DIP2B: variants seen among roughly 807,000 people sequenced by gnomAD.
DIP2B encodes the protein DIP2 acetate--CoA ligase B (putative), also known as disco-interacting protein 2 homolog B.
DIP2B carries 76 observed loss-of-function variants against 198.0 expected under a neutral mutation model. The observed-to-expected ratio is 0.38, with a 90% CI of 0.32 to 0.46. The LOEUF (loss-of-function observed/expected upper bound fraction) is 0.46. Ranked by LOEUF, DIP2B falls within the 20% of genes least tolerant of loss-of-function variation. The pLI is 0.99. For missense variants in DIP2B, 1,559 were observed against 1,978.4 expected (o/e 0.79, Z 4.02); for synonymous variants, 701 against 739.1 (o/e 0.95, Z 0.84).
At chr12:50,707,123 A>G (rs1939528281) in intron 21 of DIP2B, among the ~76,000 whole-genome samples, 1 of 152,222 alleles carries the variant, frequency 6.6e-6, no homozygotes, top group African/African-American at 2.4e-5. Context: ...ATAATTTCAA[A>G]TTCCATGGAC....
chr12:50,615,628 C>T (rs1937685337), intron 1 of DIP2B, among the ~76,000 whole-genome samples: 1 of 151,830 alleles, frequency 6.6e-6, no homozygotes, highest in African/African-American at 2.4e-5. Flanking sequence ...ATTCTTAGGA[C>T]TTAAGGGTGG....
At chr12:50,547,905 C>G (rs565414565) in intron 1 of DIP2B, among the ~76,000 whole-genome samples, 1 of 151,994 alleles carries the variant, frequency 6.6e-6, no homozygotes, top group South Asian at 2.1e-4. Context: ...CCCATCTTTA[C>G]AAAAAATACA....
chr12:50,506,089 A>G (rs1223244894), intron 1 of DIP2B, among the ~76,000 whole-genome samples: 1 of 152,170 alleles, frequency 6.6e-6, no homozygotes, highest in Non-Finnish European at 1.5e-5. Flanking sequence ...TCCTTGTACA[A>G]CAATGAGAGA....
chr12:50,678,913 A>G, intron 8 of DIP2B, 37 bp downstream of exon 8: 1 of 1,610,442 alleles, frequency 6.2e-7, no homozygotes, highest in Non-Finnish European at 8.5e-7. Flanking sequence ...CTCTCCTGAG[A>G]GTTCTTCAGA....
chr12:50,589,236 T>C (rs1329857911), intron 1 of DIP2B, among the ~76,000 whole-genome samples: 2 of 135,398 alleles, frequency 1.5e-5, no homozygotes, highest in Admixed American at 6.9e-5. Flanking sequence ...TTGTTTGTCT[T>C]TGTTTTTTTT....
intron 7 of DIP2B, among the ~76,000 whole-genome samples, chr12:50,676,284 G>T (rs1273431976): frequency 1.3e-5 from 2 of 152,302 alleles, no homozygotes; most frequent in African/African-American, 4.8e-5. Flanking sequence ...TAGCTTTGTA[G>T]TCTGTTTTTA....
At chr12:50,696,209 C>T (rs1939309197) in intron 16 of DIP2B, among the ~76,000 whole-genome samples, 1 of 152,202 alleles carries the variant, frequency 6.6e-6, no homozygotes, top group South Asian at 2.1e-4. Context: ...TTCCTCCTGC[C>T]CCAGCCCTAG....
chr12:50,645,685 C>T (rs1253425948), intron 3 of DIP2B, among the ~76,000 whole-genome samples: 1 of 152,026 alleles, frequency 6.6e-6, no homozygotes, highest in East Asian at 1.9e-4. Context: ...TGTCGAACTC[C>T]TGGTTTTAAG....
intron 33 of DIP2B, 31 bp downstream of exon 33, chr12:50,734,227 A>C (rs893644177): frequency 1.9e-6 from 3 of 1,610,976 alleles, no homozygotes; most frequent in South Asian, 2.2e-5. Context: ...CTCCTTTCCT[A>C]CTAGTTCCTA....
intron 22 of DIP2B, among the ~76,000 whole-genome samples, chr12:50,712,872 GA>G (rs1169393710): frequency 6.6e-6 from 1 of 152,126 alleles, no homozygotes; most frequent in Admixed American, 6.6e-5. Flanking sequence ...CACGCCATCG[GA>G]CTCCAGCTTG....
At chr12:50,613,956 G>T (rs1242924716) in intron 1 of DIP2B, among the ~76,000 whole-genome samples, 3 of 152,104 alleles carry the variant, frequency 2.0e-5, no homozygotes, top group African/African-American at 7.2e-5. Context: ...CTTTCTAATA[G>T]CTGTCTTTGT....
intron 1 of DIP2B, among the ~76,000 whole-genome samples, chr12:50,534,795 A>C (rs1368489892): frequency 1.3e-5 from 2 of 152,208 alleles, no homozygotes; most frequent in African/African-American, 4.8e-5. Context: ...ACCTTGGGCA[A>C]GTCATTTAAC....
chr12:50,629,815 C>T (rs1432539861), intron 2 of DIP2B, among the ~76,000 whole-genome samples: 3 of 152,142 alleles, frequency 2.0e-5, no homozygotes, highest in Non-Finnish European at 2.9e-5. Flanking sequence ...TGAGTGAATA[C>T]AACCCACATT....
intron 1 of DIP2B, among the ~76,000 whole-genome samples, chr12:50,561,524 A>G (rs975642342): frequency 1.3e-5 from 2 of 152,116 alleles, no homozygotes; most frequent in Non-Finnish European, 2.9e-5. Context: ...CCATAAACAC[A>G]TTGCATCTCA....
rs368139462 is a variant in DIP2B, at chr12:50,671,166, T to G, written c.428-20T>G. The G allele has an allele frequency of 3.2e-5, 52 of 1,611,894 alleles. No homozygotes were observed. Among genetic ancestry groups the G allele is most frequent in the Non-Finnish European group, 4.4e-5 (52 of 1,179,362 alleles). On this transcript the variant is annotated intron_variant, in intron 4 of 37. Transcript: ENST00000301180. ...GTTCTAGGTAGGATCGAGAACTTCTTTTTTTCTAATTCCACACAGACACAT... is the reference window on the plus strand; with the variant it reads ...GTTCTAGGTAGGATCGAGAACTTCTGTTTTTCTAATTCCACACAGACACAT...
intron 21 of DIP2B, among the ~76,000 whole-genome samples, chr12:50,707,931 C>A (rs1939543962): frequency 6.6e-6 from 1 of 152,160 alleles, no homozygotes; most frequent in Admixed American, 6.5e-5. Flanking sequence ...GGCCTTCTTG[C>A]TGTTCCTCAA....
chr12:50,618,681 T>C (rs768273229), intron 1 of DIP2B, among the ~76,000 whole-genome samples: 3 of 152,212 alleles, frequency 2.0e-5, no homozygotes, highest in African/African-American at 7.2e-5. Context: ...GGCAAATTGC[T>C]TAAACTTCTG....
chr12:50,654,322 A>G lies in DIP2B; in HGVS notation c.302-5872A>G, dbSNP rs375074430. On this transcript the variant is annotated intron_variant, in intron 3 of 37. Coordinates refer to ENST00000301180, the MANE Select transcript of DIP2B (RefSeq NM_173602.3). ...AAGCCATAAACAATGTCAAAAAAAC[A>G]GATGCCATACTGAAAGAAAATATTT... Among the ~76,000 whole-genome samples, 13 of 151,862 alleles carry G rather than the reference A, an allele frequency of 8.6e-5. No homozygotes were observed. In the East Asian group the frequency reaches 1.2e-3, roughly 14 times the overall value.
intron 37 of DIP2B, among the ~76,000 whole-genome samples, chr12:50,742,410 A>AAAAAAAAAC (rs1565888362): frequency 6.8e-6 from 1 of 146,766 alleles, no homozygotes; most frequent in East Asian, 2.0e-4. Flanking sequence ...AAAAAAAAAA[A>AAAAAAAAAC]AAAAAAAAAA....
Sources: gnomAD v4.1 joint callset for allele counts (sites outside exome capture counted in the v4.1 genomes callset) on GRCh38, gnomAD v4.1.1 for gene constraint, MANE v1.5 for transcripts, NCBI Gene and HGNC (gene_info 2026-07-23, HGNC 2026-07-21) for gene names.